The following RBM22 variants were observed in gnomAD, a reference collection of about 807,000 sequenced individuals.
RBM22 encodes pre-mRNA-splicing factor RBM22.
A neutral mutation model predicts 50.1 loss-of-function variants in RBM22; 1 was observed. The ratio of observed to expected loss-of-function variants is 0.02; its 90% confidence interval spans 0.01 to 0.09. RBM22 has a LOEUF of 0.09. Ranked by LOEUF, RBM22 falls within the 10% of genes least tolerant of loss-of-function variation. RBM22 has a pLI of 1.00. For missense variants in RBM22, 264 were observed against 529.3 expected, an observed-to-expected ratio of 0.50 and a Z score of 4.92; for synonymous variants, 152 against 179.0, an observed-to-expected ratio of 0.85 and a Z score of 1.20.
chr5:150,692,011 A>G, intron 10 of RBM22, 130 bp from the exon 11 acceptor site: 2 of 1,067,108 alleles, frequency 1.9e-6, no homozygotes, highest in South Asian at 6.5e-5. Context: ...AGCAAATGTC[A>G]GTTCACAAAC....
intron 3 of RBM22, among the ~76,000 whole-genome samples, chr5:150,698,934 G>A (rs544326947): frequency 6.6e-6 from 1 of 152,068 alleles, no homozygotes. Flanking sequence ...GTAATTTTTT[G>A]AGAAGCTTCT....
In RBM22 at chr5:150,700,836, G is replaced by C. The variant is rs1759339074; in HGVS notation, c.54+96C>G. 4 of 1,610,900 alleles carry C rather than the reference G, an allele frequency of 2.5e-6. No individual in the cohort carries two copies. The South Asian group carries it at 4.4e-5, about 18-fold the overall frequency. ...AGGCCGCCGCGCTGGCTCCTCCCCG[G>C]TATTCCTTCGGCCGCGCCGCAGGCC... is the stretch of plus-strand genomic sequence containing the variant. On this transcript the variant is annotated intron_variant, in intron 1 of 10. Transcript: ENST00000199814.
chr5:150,693,187 G>A, intron 9 of RBM22, 32 bp downstream of exon 9: 1 of 1,589,586 alleles, frequency 6.3e-7, no homozygotes, highest in Non-Finnish European at 8.6e-7. Context: ...GGCAGAAAGA[G>A]CTTCTGAAGT....
Position 150,692,992 on chromosome 5 carries a change from G to A in RBM22, c.1035C>T (p.Ala345=), listed in dbSNP as rs1205511482. The A allele has an allele frequency of 3.7e-6, 6 of 1,612,462 alleles. No individual in the cohort carries two copies. In the East Asian group the frequency reaches 1.3e-4, roughly 36 times the overall value. Residue 345 remains alanine, a synonymous_variant, in exon 10 of 11, where the codon GCC becomes GCT. Coordinates refer to ENST00000199814, the MANE Select transcript of RBM22 (RefSeq NM_018047.3). ...GGGGCAAGTTGAAGTAGTTGGCAGA[G>A]GCTTCTTCTTCTGCTGCAGGAGGAG... ...LPPPPAAEEE[A]SANYFNLPPS...
intron 4 of RBM22, among the ~76,000 whole-genome samples, chr5:150,698,201 G>A (rs1433176487): frequency 6.6e-6 from 1 of 152,186 alleles, no homozygotes; most frequent in Non-Finnish European, 1.5e-5. Flanking sequence ...GATCAAGAAA[G>A]AAGCCTAAGG....
At chr5:150,693,907 C>G (rs1759241032) in intron 8 of RBM22, among the ~76,000 whole-genome samples, 169 bp downstream of exon 8, 1 of 152,158 alleles carries the variant, frequency 6.6e-6, no homozygotes, top group African/African-American at 2.4e-5. Flanking sequence ...GCAGGGTTCT[C>G]CCAACATCCA....
intron 7 of RBM22, 80 bp downstream of exon 7, chr5:150,695,426 A>C (rs1759263404): frequency 1.7e-6 from 2 of 1,168,684 alleles, no homozygotes; most frequent in Admixed American, 4.0e-5. Flanking sequence ...GTACAGAATG[A>C]TCATTCTTGC....
At position 150,696,169 on chromosome 5, in the gene RBM22, T is replaced by C. The variant is rs990707903; in HGVS notation, c.545+364A>G. Among the ~76,000 whole-genome samples the C allele has an allele frequency of 3.3e-5, 5 of 151,964 alleles. No individual in the cohort carries two copies. The highest frequency in any genetic ancestry group is 9.7e-5 in the African/African-American group (4 of 41,360). On this transcript the variant is annotated intron_variant, in intron 6 of 10. Transcript: ENST00000199814. The surrounding 1 kb of genome is among the most constrained non-coding windows in gnomAD (Gnocchi z 4.3). ...CCAAATTAAGAACTCCTAATCCAGA[T>C]GCTTGGCAGTCTTAACCAAAACATA...
rs1759279907 is a variant in RBM22, at chr5:150,696,685, T to C, written c.393A>G (p.Thr131=). Residue 131 remains threonine, a synonymous_variant, in exon 6 of 11, where the codon ACA becomes ACG. Transcript: ENST00000199814. This position sits in a 1 kb window ranked among gnomAD's most constrained non-coding sequence, Gnocchi z 4.3. The part of the protein sequence containing the change: ...MEREISNSDG[T]RPVGMLGKAT... Reference sequence around the variant, plus strand: ...CTTTCCCCAGCATGCCAACTGGCCGTGTTCCATCAGAGTTAGAAATCTAAG... The same window carrying C: ...CTTTCCCCAGCATGCCAACTGGCCGCGTTCCATCAGAGTTAGAAATCTAAG... The C allele has an allele frequency of 6.2e-7, 1 of 1,614,238 alleles. No individual in the cohort carries two copies. Among genetic ancestry groups the C allele is most frequent in the Non-Finnish European group, 8.5e-7 (1 of 1,180,044 alleles).
At chr5:150,694,549 A>T in intron 7 of RBM22, 1 of 252,080 alleles carries the variant, frequency 4.0e-6, no homozygotes, top group Non-Finnish European at 7.4e-6. Context: ...GGCAAACCAT[A>T]GCTCTCAAGG....
At chr5:150,692,809 T>C (rs1179973138) in intron 10 of RBM22, 86 bp downstream of exon 10, 1 of 1,366,646 alleles carries the variant, frequency 7.3e-7, no homozygotes, top group East Asian at 2.4e-5. Context: ...CTCACAGGAT[T>C]TGGATGTGTT....
At chr5:150,693,700 A>T (rs1424539776) in intron 8 of RBM22, among the ~76,000 whole-genome samples, 1 of 152,226 alleles carries the variant, frequency 6.6e-6, no homozygotes, top group Non-Finnish European at 1.5e-5. Flanking sequence ...TAAACTTAAA[A>T]TAGCGATTCT....
intron 1 of RBM22, chr5:150,700,701 G>C: frequency 6.5e-7 from 1 of 1,531,456 alleles, no homozygotes; most frequent in Non-Finnish European, 8.7e-7. Flanking sequence ...AGCTCTAATA[G>C]GCTGGAGGGG....
chr5:150,695,408 T>C (rs913696900), intron 7 of RBM22, 98 bp downstream of exon 7: 40 of 1,070,834 alleles, frequency 3.7e-5, no homozygotes, highest in Non-Finnish European at 5.3e-5. Flanking sequence ...TACAGAAAAA[T>C]GTATTTTGTA....
rs2151458396 is a variant in RBM22, at chr5:150,700,972, A to C, written c.14T>G (p.Leu5Arg). MATS[L>R]GSNTYNRQNW... ...CTGCCTGTTGTAGGTGTTGGAACCC[A>C]GAGAGGTCGCCATCTTGAGAGCGTC... The change falls in exon 1 of 11, where the codon CTG (leucine) becomes CGG (arginine). Residue 5 changes from leucine (L) to arginine (R), a missense_variant. By Grantham distance (102) the Leu-to-Arg change is moderately radical. This residue lies in a region of RBM22 where 16 missense variants were observed against 22.5 expected (regional missense o/e 0.71). Coordinates refer to ENST00000199814, the MANE Select transcript of RBM22 (RefSeq NM_018047.3). The C allele has an allele frequency of 6.2e-7, 1 of 1,614,220 alleles. No individual in the cohort carries two copies. Among genetic ancestry groups the C allele is most frequent in the East Asian group, 2.2e-5 (1 of 44,880 alleles).
chr5:150,690,929 A>G lies in RBM22; in HGVS notation c.*822T>C, dbSNP rs546343444. 1.3e-5 allele frequency: 2 copies of G among 152,498 alleles called. No individual in the cohort carries two copies. The highest frequency in any genetic ancestry group is 4.8e-5 in the African/African-American group (2 of 41,588). 9.4% of individuals were successfully genotyped at this position (152,498 alleles called of 1,614,324 possible). On this transcript the variant is annotated 3_prime_UTR_variant, in exon 11 of 11. Coordinates refer to ENST00000199814, the MANE Select transcript of RBM22 (RefSeq NM_018047.3). ...ACAATGAGACACTGAAGACACACGA[A>G]GGTGAATGCTGAAGACCATCAGAGT...
intron 10 of RBM22, among the ~76,000 whole-genome samples, chr5:150,692,099 C>T (rs988359152): frequency 6.6e-6 from 1 of 152,216 alleles, no homozygotes; most frequent in African/African-American, 2.4e-5. Context: ...CTCAAGGTAT[C>T]GCCTAGTATG....
At position 150,691,524 on chromosome 5, in the gene RBM22, A is replaced by T; in HGVS notation, c.*227T>A. ...AGGGGAACAGGCGTTCGGTTTTATT[A>T]GTCATGTTACAGCAGTAACCAGATG... On this transcript the variant is annotated 3_prime_UTR_variant, in exon 11 of 11. Coordinates refer to ENST00000199814, the MANE Select transcript of RBM22 (RefSeq NM_018047.3). 2.5e-6 allele frequency: 1 copy of T among 392,796 alleles called. No individual in the cohort carries two copies. Among genetic ancestry groups the T allele is most frequent in the Non-Finnish European group, 4.3e-6 (1 of 232,644 alleles). The allele number at this position is 392,796 out of a possible 1,614,324, so 24.3% of individuals were successfully genotyped here.
intron 7 of RBM22, chr5:150,694,466 C>T: frequency 1.6e-6 from 1 of 635,670 alleles, no homozygotes; most frequent in South Asian, 3.8e-5. Flanking sequence ...TCAAACATCT[C>T]AGGGTTTTTT....
Sources: allele counts gnomAD v4.1 joint callset (sites outside exome capture counted in the v4.1 genomes callset), GRCh38; gene constraint gnomAD v4.1.1; regional missense constraint gnomAD v4.1.1; non-coding constraint Gnocchi (gnomAD v3.1); transcripts MANE v1.5; gene names NCBI Gene and HGNC (gene_info 2026-07-23, HGNC 2026-07-21).